Variants in UACA observed in about 807,000 individuals in gnomAD.
UACA encodes the protein uveal autoantigen with coiled-coil domains and ankyrin repeats, also known as nuclear membrane binding protein.
A neutral mutation model predicts 160.5 loss-of-function variants in UACA; 112 were observed. The ratio of observed to expected loss-of-function variants is 0.70; its 90% CI spans 0.60 to 0.82. The LOEUF is 0.82. UACA is among the 40% of genes least tolerant of loss of function. The pLI is 0.00. For missense variants in UACA, 1,574 were observed against 1,614.6 expected, an observed-to-expected ratio of 0.97 and a Z score of 0.43; for synonymous variants, 557 against 568.4, an observed-to-expected ratio of 0.98 and a Z score of 0.29.
chr15:70,750,474 G>A lies in UACA; in HGVS notation c.78+12856C>T, dbSNP rs73445523. Among the ~76,000 whole-genome samples, 1,025 of 152,096 alleles carry A rather than the reference G, an allele frequency of 6.7e-3. 15 individuals carry two copies. The highest frequency in any genetic ancestry group is 0.023 in the African/African-American group (956 of 41,494). On this transcript the variant is annotated intron_variant, in intron 1 of 18. Coordinates refer to ENST00000322954, the MANE Select transcript of UACA (RefSeq NM_018003.4). The stretch of plus-strand genomic sequence containing the variant: ...TCCCCTTCCCCCAGCTCTGAGCTCC[G>A]TGATATTTCCTCTTCTCTATGCCTT...
intron 1 of UACA, among the ~76,000 whole-genome samples, chr15:70,749,465 T>C (rs62016951): frequency 6.7e-6 from 1 of 148,646 alleles, no homozygotes; most frequent in Non-Finnish European, 1.5e-5. Flanking sequence ...GGTGGAGTTT[T>C]CAATGAGCCG....
In UACA at chr15:70,684,286, C is replaced by G. The variant is rs1470949991; in HGVS notation, c.763G>C (p.Ala255Pro). Residue 255 changes from alanine to proline, a missense_variant, in exon 8 of 19, where the codon GCA (alanine) becomes CCA (proline). By Grantham distance (27) the Ala-to-Pro change is conservative (BLOSUM62 -1). Transcript: ENST00000322954. ...NLDILTLLKTASENTNKGREL... is the reference protein window; with the variant it reads ...NLDILTLLKTPSENTNKGREL... ...ATACCTTTGTTGGTATTTTCCGATG[C>G]AGTCTTCAACAAGGTTAGAATGTCC... 1.7e-5 allele frequency: 27 copies of G among 1,608,464 alleles called. No homozygotes were observed. Among genetic ancestry groups the G allele is most frequent in the Non-Finnish European group, 2.1e-5 (25 of 1,178,228 alleles).
intron 1 of UACA, among the ~76,000 whole-genome samples, chr15:70,716,731 G>C (rs1898831851): frequency 6.6e-6 from 1 of 152,054 alleles, no homozygotes; most frequent in Admixed American, 6.6e-5. Context: ...ATAATATTAT[G>C]CTGATAAAAT....
At chr15:70,772,492 C>CAAA in the UACA span, among the ~76,000 whole-genome samples, 46 of 49,518 alleles carry the variant, frequency 9.3e-4, no homozygotes, top group Non-Finnish European at 1.0e-3. Flanking sequence ...GCCTCCATCT[C>CAAA]AAAAAAAAAA....
At chr15:70,770,573 C>A in the UACA span, among the ~76,000 whole-genome samples, 1 of 152,196 alleles carries the variant, frequency 6.6e-6, no homozygotes, top group Non-Finnish European at 1.5e-5. Flanking sequence ...AATACCAACA[C>A]ATGCTGAACT....
intron 1 of UACA, among the ~76,000 whole-genome samples, chr15:70,737,973 A>G (rs1899419814): frequency 2.0e-5 from 3 of 152,078 alleles, no homozygotes; most frequent in Non-Finnish European, 4.4e-5. Context: ...AGCCTTACAC[A>G]TTTTTGCAAC....
chr15:70,690,881 A>T (rs565455336), intron 4 of UACA, among the ~76,000 whole-genome samples: 20 of 152,174 alleles, frequency 1.3e-4, no homozygotes, highest in Non-Finnish European at 2.6e-4. Context: ...GTATGACTGA[A>T]ATATTTGATG....
intron 5 of UACA, among the ~76,000 whole-genome samples, chr15:70,688,483 CT>C (rs963688912): frequency 1.3e-5 from 2 of 151,722 alleles, no homozygotes; most frequent in African/African-American, 2.4e-5. Context: ...AGTGAGCATT[CT>C]TTTTTTTATT....
chr15:70,767,647 T>G (rs1047856612), upstream of UACA, among the ~76,000 whole-genome samples: 20 of 152,202 alleles, frequency 1.3e-4, no homozygotes, highest in Non-Finnish European at 4.4e-5. Flanking sequence ...TGAGTCCTTT[T>G]CAAACATAAA....
chr15:70,673,192 T>C (rs888319591), intron 13 of UACA, among the ~76,000 whole-genome samples: 1 of 152,174 alleles, frequency 6.6e-6, no homozygotes, highest in African/African-American at 2.4e-5. Context: ...GAGGATCACC[T>C]GAGCCCGGGG....
chr15:70,723,995 A>G (rs1190550389), intron 1 of UACA, among the ~76,000 whole-genome samples: 1 of 152,048 alleles, frequency 6.6e-6, no homozygotes, highest in East Asian at 1.9e-4. Context: ...CCTGTTATAT[A>G]TTCTGGTATA....
chr15:70,687,523 C>A lies in UACA; in HGVS notation c.602+17G>T. 1 of 1,610,948 alleles carries A rather than the reference C, an allele frequency of 6.2e-7. No individual in the cohort carries two copies. Among genetic ancestry groups the A allele is most frequent in the Non-Finnish European group, 8.5e-7 (1 of 1,177,314 alleles). ...GTGTATCCAGCTGGTATCTGGGAGC[C>A]ATGATAAAAGAATTACCTGTTTTGT... is the stretch of plus-strand genomic sequence containing the variant. On this transcript the variant is annotated intron_variant, in intron 7 of 18. Transcript: ENST00000322954.
chr15:70,761,515 T>C (rs1299301185), intron 1 of UACA, among the ~76,000 whole-genome samples: 1 of 152,246 alleles, frequency 6.6e-6, no homozygotes, highest in Non-Finnish European at 1.5e-5. Flanking sequence ...CCTGTACATG[T>C]GTTTTATTCT....
chr15:70,701,900 A>G, intron 1 of UACA: 1 of 1,613,468 alleles, frequency 6.2e-7, no homozygotes, highest in East Asian at 2.2e-5. Context: ...GTACAAGAAA[A>G]CCAACAGTTC....
At chr15:70,727,131 T>G (rs1899168562) in intron 1 of UACA, among the ~76,000 whole-genome samples, 1 of 152,210 alleles carries the variant, frequency 6.6e-6, no homozygotes, top group Non-Finnish European at 1.5e-5. Context: ...AGGGTTAAAT[T>G]TAATGCTTTT....
the UACA span, among the ~76,000 whole-genome samples, chr15:70,774,674 G>C: frequency 2.0e-5 from 3 of 151,978 alleles, no homozygotes; most frequent in Non-Finnish European, 4.4e-5. Flanking sequence ...ACCTAGTAAG[G>C]TATTTATGCT....
At chr15:70,691,239 A>G in intron 4 of UACA, 60 bp downstream of exon 4, 1 of 1,229,402 alleles carries the variant, frequency 8.1e-7, no homozygotes, top group Non-Finnish European at 1.2e-6. Flanking sequence ...AACACATTAA[A>G]AGTACATCTA....
At chr15:70,756,173 AT>A (rs921727928) in intron 1 of UACA, among the ~76,000 whole-genome samples, 216 of 135,446 alleles carry the variant, frequency 1.6e-3, no homozygotes, top group Admixed American at 1.7e-3. Context: ...CCCAGCCGCA[AT>A]TTTTTTTTTT....
At chr15:70,682,839 C>A in intron 8 of UACA, 44 bp from the exon 9 acceptor site, 1 of 1,450,408 alleles carries the variant, frequency 6.9e-7, no homozygotes, top group South Asian at 1.4e-5. Context: ...GGCAGGTTAA[C>A]TTGGGGTAGG....
Sources: allele counts gnomAD v4.1 joint callset (sites outside exome capture counted in the v4.1 genomes callset), GRCh38; gene constraint gnomAD v4.1.1; transcripts MANE v1.5; gene names NCBI Gene and HGNC (gene_info 2026-07-23, HGNC 2026-07-21).